The following EML1 variants were observed in gnomAD, a reference collection of about 807,000 sequenced individuals.
EML1 encodes the protein echinoderm microtubule-associated protein-like 1.
A neutral mutation model predicts 110.4 loss-of-function variants in EML1; 27 were observed. The ratio of observed to expected loss-of-function variants is 0.24; its 90% confidence interval spans 0.18 to 0.34. The LOEUF (loss-of-function observed/expected upper bound fraction) is 0.34, where lower values mean the gene tolerates loss of function less well. EML1 is among the 10% of genes least tolerant of loss of function. EML1 has a pLI of 1.00. For missense variants in EML1, 741 were observed against 1,030.9 expected, an observed-to-expected ratio of 0.72 and a Z score of 3.85; for synonymous variants, 344 against 385.8, an observed-to-expected ratio of 0.89 and a Z score of 1.27.
At chr14:99,864,554 C>A (rs925280133) in intron 2 of EML1, among the ~76,000 whole-genome samples, 1 of 152,128 alleles carries the variant, frequency 6.6e-6, no homozygotes, top group African/African-American at 2.4e-5. Context: ...TGGCTCTCAC[C>A]TGTAATCCCA....
At chr14:99,867,648 T>C (rs1394903383) in intron 3 of EML1, among the ~76,000 whole-genome samples, 1 of 146,482 alleles carries the variant, frequency 6.8e-6, no homozygotes, top group Non-Finnish European at 1.5e-5. Context: ...TAGAAATGCA[T>C]CTGATTTTTG....
chr14:99,870,899 G>A (rs2059187304), intron 3 of EML1, among the ~76,000 whole-genome samples: 1 of 152,080 alleles, frequency 6.6e-6, no homozygotes, highest in African/African-American at 2.4e-5. Flanking sequence ...CACACAACAC[G>A]CATTCTGCAG....
chr14:99,839,649 C>G (rs1482305781), intron 1 of EML1, among the ~76,000 whole-genome samples: 1 of 152,150 alleles, frequency 6.6e-6, no homozygotes, highest in East Asian at 1.9e-4. Context: ...TGCTGAAGTT[C>G]TTTTAATCAA....
intron 1 of EML1, among the ~76,000 whole-genome samples, chr14:99,803,106 C>G (rs1388561276): frequency 2.6e-5 from 4 of 152,166 alleles, no homozygotes; most frequent in Admixed American, 2.6e-4. Flanking sequence ...GGCAGACTTT[C>G]CTGGGATCGT....
At chr14:99,766,513 AGACCTCAGTT>A (rs1166802303) in intron 1 of EML1, among the ~76,000 whole-genome samples, 1 of 152,096 alleles carries the variant, frequency 6.6e-6, no homozygotes, top group East Asian at 1.9e-4. Flanking sequence ...ATGTTTTTGA[AGACCTCAGTT>A]GGTATGTTTC....
At chr14:99,854,511 G>T (rs766556599) in intron 2 of EML1, among the ~76,000 whole-genome samples, 1 of 152,136 alleles carries the variant, frequency 6.6e-6, no homozygotes, top group Non-Finnish European at 1.5e-5. Context: ...CTGTCCCTGC[G>T]GTTGGCCTGC....
chr14:99,932,346 CAG>C (rs979811953), intron 17 of EML1, among the ~76,000 whole-genome samples: 26 of 152,158 alleles, frequency 1.7e-4, no homozygotes, highest in Admixed American at 4.6e-4. Flanking sequence ...TCTTTAAAAA[CAG>C]ATATGGGGGC....
chr14:99,785,771 C>T (rs1192508430), intron 1 of EML1, among the ~76,000 whole-genome samples: 3 of 152,150 alleles, frequency 2.0e-5, no homozygotes, highest in African/African-American at 7.2e-5. Context: ...GGAGAGGCTC[C>T]TTCACAAAAT....
At chr14:99,822,598 C>T (rs2058282928) in intron 1 of EML1, among the ~76,000 whole-genome samples, 1 of 152,210 alleles carries the variant, frequency 6.6e-6, no homozygotes, top group South Asian at 2.1e-4. Context: ...TATATTATTT[C>T]TCCACACCCC....
intron 1 of EML1, chr14:99,838,910 C>CGCGCGG (rs2058583966): frequency 6.1e-5 from 3 of 49,236 alleles, no homozygotes; most frequent in African/African-American, 2.0e-4. Flanking sequence ...GGGGAGTGCG[C>CGCGCGG]GCGCGCGCGT....
rs2059582374 is a variant in EML1 at position 99,891,218 on chromosome 14, T to C, written c.538T>C (p.Phe180Leu). ...TCACAGCAAACCCAAGGAGCCTGTATTCAGTGCAGGTAAGTCTGATTTAAT... is the reference window on the plus strand; with the variant it reads ...TCACAGCAAACCCAAGGAGCCTGTACTCAGTGCAGGTAAGTCTGATTTAAT... ...NSESKPKEPV[F>L]SAEEGYVKMF... Residue 180 changes from phenylalanine to leucine, a missense_variant, in exon 5 of 22, where the codon TTC becomes CTC. This residue lies in a region of EML1 where 226 missense variants were observed against 255.6 expected (regional missense o/e 0.88). Transcript: ENST00000262233. 1 of 1,614,114 alleles carries C rather than the reference T, an allele frequency of 6.2e-7. No individual in the cohort carries two copies. The highest frequency in any genetic ancestry group is 1.7e-5 in the Admixed American group (1 of 60,012).
At chr14:99,867,204 A>G (rs2059117625) in intron 3 of EML1, among the ~76,000 whole-genome samples, 1 of 152,194 alleles carries the variant, frequency 6.6e-6, no homozygotes, top group Admixed American at 6.5e-5. Flanking sequence ...CTTATGGCCA[A>G]TACCCTACCA....
chr14:99,910,324 TC>T lies in EML1; in HGVS notation c.1323del (p.Leu442Ter). 1 of 1,613,072 alleles carries T rather than the reference TC, an allele frequency of 6.2e-7. No individual in the cohort carries two copies. Among genetic ancestry groups the T allele is most frequent in the Non-Finnish European group, 8.5e-7 (1 of 1,179,554 alleles). On this transcript the variant is annotated frameshift_variant, in exon 12 of 22. Transcript: ENST00000262233. LOFTEE classifies it high-confidence loss of function. Reference sequence around the variant, plus strand: ...ATTACTGGAGATTCAAGTGGCAACATCTTAGTATGGGGAAAAGGTAATAAGT... The same window carrying T: ...ATTACTGGAGATTCAAGTGGCAACATTTAGTATGGGGAAAAGGTAATAAGT... ...DTITGDSSGNILVWGKGTNRI... is the reference protein window; with the variant it reads ...DTITGDSSGNXLVWGKGTNRI...
Position 99,939,472 on chromosome 14 carries a change from C to A in EML1, c.2322+145C>A. 1.5e-6 allele frequency: 2 copies of A among 1,327,524 alleles called. No homozygotes were observed. The highest frequency in any genetic ancestry group is 2.0e-6 in the Non-Finnish European group (2 of 984,088). 82.2% of individuals were successfully genotyped at this position (1,327,524 alleles called of 1,614,324 possible). The stretch of plus-strand genomic sequence containing the variant: ...GTGACTCTGTTCTTTGCGCCCTGAG[C>A]ACTTCCAGCCGCCCTTAGGGAAACC... On this transcript the variant is annotated intron_variant, in intron 21 of 21. Coordinates refer to ENST00000262233, the MANE Select transcript of EML1 (RefSeq NM_004434.3). This position sits in a 1 kb window ranked among gnomAD's most constrained non-coding sequence, Gnocchi z 4.2.
intron 17 of EML1, among the ~76,000 whole-genome samples, chr14:99,927,431 T>A (rs1474189175): frequency 6.6e-6 from 1 of 152,194 alleles, no homozygotes; most frequent in Non-Finnish European, 1.5e-5. Flanking sequence ...TTGGTCATAT[T>A]CAAGCTGTAT....
intron 2 of EML1, among the ~76,000 whole-genome samples, chr14:99,852,129 T>G (rs2139835923): frequency 6.6e-6 from 1 of 152,358 alleles, no homozygotes; most frequent in South Asian, 2.1e-4. Flanking sequence ...ATGTTGGAAA[T>G]AAAACGCCTC....
intron 6 of EML1, among the ~76,000 whole-genome samples, chr14:99,896,941 A>G (rs1201595985): frequency 6.6e-6 from 1 of 152,244 alleles, no homozygotes; most frequent in African/African-American, 2.4e-5. Context: ...TATTCACATT[A>G]CATCAATGAC....
At chr14:99,767,833 C>A (rs1418815970) in intron 1 of EML1, among the ~76,000 whole-genome samples, 1 of 152,150 alleles carries the variant, frequency 6.6e-6, no homozygotes, top group Admixed American at 6.5e-5. Flanking sequence ...TTCACATACA[C>A]ATCTGTCACC....
At chr14:99,739,292 T>C (rs1047246608) in intron 1 of EML1, among the ~76,000 whole-genome samples, 1 of 152,096 alleles carries the variant, frequency 6.6e-6, no homozygotes, top group Non-Finnish European at 1.5e-5. Context: ...TGGCTGGCCC[T>C]GCCCCACACC....
Sources: gnomAD v4.1 joint callset for allele counts (sites outside exome capture counted in the v4.1 genomes callset) on GRCh38, gnomAD v4.1.1 for gene constraint, gnomAD v4.1.1 regional missense constraint, Gnocchi (gnomAD v3.1) non-coding constraint, MANE v1.5 for transcripts, NCBI Gene and HGNC (gene_info 2026-07-23, HGNC 2026-07-21) for gene names.